CNTN5: variants seen among roughly 807,000 people sequenced by gnomAD.
CNTN5 encodes contactin 5, also known as contactin-5.
CNTN5 carries 77 observed loss-of-function variants against 129.1 expected under a neutral mutation model. The observed-to-expected ratio is 0.60, with a 90% CI of 0.50 to 0.72. The LOEUF is 0.72. Among genes scored for constraint, CNTN5 ranks in the 30% least tolerant of loss-of-function variants. The pLI is 0.00. For missense variants in CNTN5, 1,478 were observed against 1,328.8 expected (o/e 1.11, Z -1.75); for synonymous variants, 509 against 465.6 (o/e 1.09, Z -1.20).
intron 6 of CNTN5, among the ~76,000 whole-genome samples, chr11:99,912,275 T>C (rs1296892259): frequency 6.6e-6 from 1 of 152,004 alleles, no homozygotes; most frequent in Non-Finnish European, 1.5e-5. Context: ...AGAGAAATAG[T>C]GTGAAGTGCT....
intron 1 of CNTN5, among the ~76,000 whole-genome samples, chr11:99,062,245 T>A (rs895566032): frequency 1.3e-5 from 2 of 152,134 alleles, no homozygotes; most frequent in Non-Finnish European, 2.9e-5. Context: ...CAAGCAATGT[T>A]GGAGCACAAC....
chr11:99,030,780 C>CTTTTTTTT (rs71305325), intron 1 of CNTN5, among the ~76,000 whole-genome samples: 6 of 120,246 alleles, frequency 5.0e-5, no homozygotes, highest in Admixed American at 9.9e-5. Context: ...TGCTAACTCT[C>CTTTTTTTT]TTTTTTTTTT....
intron 18 of CNTN5, among the ~76,000 whole-genome samples, chr11:100,279,915 T>C (rs2138813978): frequency 6.7e-6 from 1 of 150,278 alleles, no homozygotes; most frequent in Non-Finnish European, 1.5e-5. Flanking sequence ...TTTTTCTTTT[T>C]TTTTTTTTTT....
At chr11:99,153,202 G>A (rs991726961) in intron 1 of CNTN5, among the ~76,000 whole-genome samples, 7 of 152,110 alleles carry the variant, frequency 4.6e-5, no homozygotes, top group Non-Finnish European at 8.8e-5. Context: ...TAGCAAGGTT[G>A]GGGAAATTTT....
At chr11:100,285,092 G>T (rs1279446892) in intron 18 of CNTN5, among the ~76,000 whole-genome samples, 1 of 152,048 alleles carries the variant, frequency 6.6e-6, no homozygotes, top group East Asian at 1.9e-4. Flanking sequence ...ATAGTGCCTG[G>T]CACATGATAA....
chr11:99,485,483 C>A (rs987503621), intron 2 of CNTN5, among the ~76,000 whole-genome samples: 2 of 151,850 alleles, frequency 1.3e-5, no homozygotes, highest in African/African-American at 2.4e-5. Context: ...ACATATGTAC[C>A]ATTGTGTTTT....
chr11:99,615,769 T>A (rs34816023), intron 3 of CNTN5, among the ~76,000 whole-genome samples: 17,664 of 151,870 alleles, frequency 0.12, 1,236 homozygotes, highest in Non-Finnish European at 0.17. Context: ...TTTTTTTTTT[T>A]AATTTTTTTT....
intron 1 of CNTN5, among the ~76,000 whole-genome samples, chr11:99,200,326 A>G (rs1471216140): frequency 2.0e-5 from 3 of 152,198 alleles, no homozygotes; most frequent in Non-Finnish European, 4.4e-5. Flanking sequence ...GATATTTTCT[A>G]CTATTTTCTA....
At chr11:99,470,379 T>C (rs558203503) in intron 2 of CNTN5, among the ~76,000 whole-genome samples, 2 of 152,302 alleles carry the variant, frequency 1.3e-5, no homozygotes, top group Admixed American at 6.5e-5. Context: ...ATAAAAATAA[T>C]GTTCATTTTC....
At position 99,510,920 on chromosome 11, in the gene CNTN5, A is replaced by G. The variant is rs531154182; in HGVS notation, c.-70-45225A>G. Among the ~76,000 whole-genome samples the G allele has an allele frequency of 7.2e-5, 11 of 152,268 alleles. No homozygotes were observed. In the East Asian group the frequency reaches 2.1e-3, roughly 29 times the overall value. ...AGGAAGTCATTATTATAATCATAGG[A>G]GATGACAGCTTCGTGCATCTTATTA... On this transcript the variant is annotated intron_variant, in intron 2 of 24. Coordinates refer to ENST00000524871, the MANE Select transcript of CNTN5 (RefSeq NM_014361.4).
At chr11:99,334,238 T>A (rs1333762203) in intron 2 of CNTN5, among the ~76,000 whole-genome samples, 3 of 152,164 alleles carry the variant, frequency 2.0e-5, no homozygotes, top group African/African-American at 7.2e-5. Flanking sequence ...AAATAGAATG[T>A]GAGAAGATAG....
intron 2 of CNTN5, among the ~76,000 whole-genome samples, chr11:99,533,042 G>A (rs1194777518): frequency 2.0e-5 from 3 of 152,176 alleles, no homozygotes; most frequent in Non-Finnish European, 4.4e-5. Context: ...GGCCAACATG[G>A]CAAAACCACA....
intron 8 of CNTN5, among the ~76,000 whole-genome samples, chr11:99,968,230 G>A (rs1393066349): frequency 6.6e-6 from 1 of 152,098 alleles, no homozygotes; most frequent in African/African-American, 2.4e-5. Context: ...GAAAGTGAGT[G>A]GAAATAGATT....
At chr11:99,762,451 A>G (rs1944614256) in intron 3 of CNTN5, among the ~76,000 whole-genome samples, 1 of 151,930 alleles carries the variant, frequency 6.6e-6, no homozygotes, top group Non-Finnish European at 1.5e-5. Flanking sequence ...TATAAGGTGT[A>G]AGGAAGGGAT....
At chr11:99,247,526 A>G (rs1861873447) in intron 1 of CNTN5, among the ~76,000 whole-genome samples, 1 of 151,966 alleles carries the variant, frequency 6.6e-6, no homozygotes, top group Non-Finnish European at 1.5e-5. Flanking sequence ...TTAGTTACAT[A>G]TGTATACATG....
At chr11:99,192,003 T>C (rs952906289) in intron 1 of CNTN5, among the ~76,000 whole-genome samples, 2 of 151,376 alleles carry the variant, frequency 1.3e-5, no homozygotes, top group African/African-American at 2.4e-5. Flanking sequence ...ATACAAAAGA[T>C]CAACTAACTT....
At chr11:99,057,625 TAAAA>T (rs1287293684) in intron 1 of CNTN5, among the ~76,000 whole-genome samples, 1 of 151,952 alleles carries the variant, frequency 6.6e-6, no homozygotes, top group Non-Finnish European at 1.5e-5. Context: ...TTAGATTCAA[TAAAA>T]ATTAGAGTGC....
At chr11:100,012,992 T>C (rs1940615195) in intron 9 of CNTN5, among the ~76,000 whole-genome samples, 1 of 152,154 alleles carries the variant, frequency 6.6e-6, no homozygotes, top group African/African-American at 2.4e-5. Context: ...AAAAACAGGA[T>C]GTAAAGAATT....
intron 13 of CNTN5, among the ~76,000 whole-genome samples, chr11:100,150,237 A>G (rs1414309765): frequency 6.6e-6 from 1 of 152,132 alleles, no homozygotes; most frequent in Non-Finnish European, 1.5e-5. Flanking sequence ...TCCATGTAAT[A>G]TATCAAGAAT....
Sources: allele counts gnomAD v4.1 joint callset (sites outside exome capture counted in the v4.1 genomes callset), GRCh38; gene constraint gnomAD v4.1.1; transcripts MANE v1.5; gene names NCBI Gene and HGNC (gene_info 2026-07-23, HGNC 2026-07-21).